Variants in CALN1 observed in about 807,000 individuals in gnomAD.
CALN1 encodes calneuron 1.
In CALN1, 17 loss-of-function variants were observed where a neutral mutation model predicts 30.6. The ratio of observed to expected loss-of-function variants is 0.56; its 90% CI spans 0.38 to 0.83. The LOEUF (loss-of-function observed/expected upper bound fraction) is 0.83, where lower values mean the gene tolerates loss of function less well. CALN1 is among the 40% of genes least tolerant of loss of function. The pLI is 0.00. For synonymous variants in CALN1, 156 were observed against 131.4 expected (o/e 1.19, Z -1.28); for missense variants, 291 against 354.9 (o/e 0.82, Z 1.45).
At chr7:72,302,110 A>G (rs984003277) in intron 2 of CALN1, among the ~76,000 whole-genome samples, 1 of 152,242 alleles carries the variant, frequency 6.6e-6, no homozygotes. Flanking sequence ...GAGAAAATTC[A>G]AATTGTATAC....
At chr7:72,287,937 T>G (rs927654351) in intron 2 of CALN1, among the ~76,000 whole-genome samples, 3 of 152,166 alleles carry the variant, frequency 2.0e-5, no homozygotes, top group African/African-American at 7.2e-5. Flanking sequence ...TTGGATTTAG[T>G]GAAATTGCAC....
intron 5 of CALN1, among the ~76,000 whole-genome samples, chr7:72,002,169 A>G (rs1024228832): frequency 3.3e-5 from 5 of 152,212 alleles, no homozygotes; most frequent in Non-Finnish European, 7.4e-5. Context: ...CATCATACAG[A>G]TGCTCCTTGA....
At chr7:72,217,177 A>T (rs1792888189) in intron 3 of CALN1, among the ~76,000 whole-genome samples, 2 of 152,042 alleles carry the variant, frequency 1.3e-5, no homozygotes, top group Admixed American at 6.6e-5. Context: ...CCCACACCCA[A>T]ACTCCCCCTA....
intron 2 of CALN1, among the ~76,000 whole-genome samples, chr7:72,401,736 AAC>A (rs1391980561): frequency 6.6e-6 from 1 of 152,234 alleles, no homozygotes; most frequent in Non-Finnish European, 1.5e-5. Context: ...TTTTTAATGT[AAC>A]AGTGTGTTGA....
At chr7:71,948,567 C>A (rs1351666460) in intron 5 of CALN1, among the ~76,000 whole-genome samples, 1 of 151,812 alleles carries the variant, frequency 6.6e-6, no homozygotes, top group Non-Finnish European at 1.5e-5. Flanking sequence ...CCCGTCTCTA[C>A]TAAAAATAAA....
At chr7:72,363,704 C>A (rs1270840512) in intron 2 of CALN1, among the ~76,000 whole-genome samples, 4 of 146,342 alleles carry the variant, frequency 2.7e-5, no homozygotes, top group Admixed American at 2.1e-4. Flanking sequence ...AGGCTACTTG[C>A]AACATATGGT....
intron 2 of CALN1, among the ~76,000 whole-genome samples, chr7:72,402,472 T>G (rs1004304721): frequency 6.6e-6 from 1 of 152,164 alleles, no homozygotes; most frequent in African/African-American, 2.4e-5. Flanking sequence ...TGAACAGCCT[T>G]AGGGAGACAA....
At chr7:72,321,483 G>A (rs1023513508) in intron 2 of CALN1, among the ~76,000 whole-genome samples, 29 of 152,240 alleles carry the variant, frequency 1.9e-4, no homozygotes, top group African/African-American at 6.3e-4. Flanking sequence ...GGGTTTCAAC[G>A]ACAGGAGACA....
intron 5 of CALN1, among the ~76,000 whole-genome samples, chr7:71,834,755 C>A: frequency 6.6e-6 from 1 of 152,132 alleles, no homozygotes; most frequent in East Asian, 1.9e-4. Context: ...AAACAGATGA[C>A]AAATGCAGAC....
chr7:72,121,210 T>C (rs917759936), intron 3 of CALN1, among the ~76,000 whole-genome samples: 5 of 144,060 alleles, frequency 3.5e-5, no homozygotes, highest in African/African-American at 1.0e-4. Context: ...TATAATTCCA[T>C]ATTATGTATT....
chr7:71,850,635 T>C (rs1236872139), intron 5 of CALN1, among the ~76,000 whole-genome samples: 1 of 152,216 alleles, frequency 6.6e-6, no homozygotes, highest in African/African-American at 2.4e-5. Flanking sequence ...AGGTTATAGA[T>C]TCTGGAGGGA....
chr7:72,146,764 A>C (rs2129543825), intron 3 of CALN1, among the ~76,000 whole-genome samples: 1 of 152,344 alleles, frequency 6.6e-6, no homozygotes, highest in Middle Eastern at 3.4e-3. Context: ...CTGGTACCAA[A>C]ACAAAGCTAT....
chr7:72,106,943 AAAAG>A (rs1252418536), intron 3 of CALN1, among the ~76,000 whole-genome samples: 6 of 151,676 alleles, frequency 4.0e-5, no homozygotes, highest in East Asian at 3.9e-4. Context: ...GACAAGGAAA[AAAAG>A]AAAAAGAAAT....
chr7:72,401,129 G>T (rs1353397544), intron 2 of CALN1, among the ~76,000 whole-genome samples: 1 of 152,090 alleles, frequency 6.6e-6, no homozygotes, highest in Non-Finnish European at 1.5e-5. Flanking sequence ...CTATAGATGG[G>T]GACTGCATTC....
intron 2 of CALN1, among the ~76,000 whole-genome samples, chr7:72,323,369 A>G (rs1801029402): frequency 1.3e-5 from 2 of 152,200 alleles, no homozygotes; most frequent in African/African-American, 4.8e-5. Context: ...GCATCTTGGT[A>G]GTCCCACTGT....
At chr7:72,492,804 G>A in the CALN1 span, among the ~76,000 whole-genome samples, 1 of 152,190 alleles carries the variant, frequency 6.6e-6, no homozygotes, top group Non-Finnish European at 1.5e-5. Context: ...CGGAACAGTC[G>A]TGCTCCTGCA....
the CALN1 span, among the ~76,000 whole-genome samples, chr7:72,486,307 T>A: frequency 6.6e-6 from 1 of 152,222 alleles, no homozygotes; most frequent in Non-Finnish European, 1.5e-5. Context: ...AACTTCTCAA[T>A]AAAAAGGCTG....
At chr7:71,831,882 A>AC (rs1789300097) in intron 5 of CALN1, among the ~76,000 whole-genome samples, 3 of 149,340 alleles carry the variant, frequency 2.0e-5, no homozygotes, top group Non-Finnish European at 4.5e-5. Context: ...AAAAAAAAAA[A>AC]AAAAAAAAAA....
At chr7:72,309,140 C>T (rs1799865606) in intron 2 of CALN1, among the ~76,000 whole-genome samples, 2 of 152,138 alleles carry the variant, frequency 1.3e-5, no homozygotes. Flanking sequence ...CTATAGCCTG[C>T]CTTTTTCATT....
Sources: gnomAD v4.1 joint callset for allele counts (sites outside exome capture counted in the v4.1 genomes callset) on GRCh38, gnomAD v4.1.1 for gene constraint, MANE v1.5 for transcripts, NCBI Gene and HGNC (gene_info 2026-07-23, HGNC 2026-07-21) for gene names.